The following PRDM6 variants were observed in gnomAD, a reference collection of about 807,000 sequenced individuals.
PRDM6 encodes the protein putative histone-lysine N-methyltransferase PRDM6.
PRDM6 carries 25 observed loss-of-function variants against 60.8 expected under a neutral mutation model. The ratio of observed to expected loss-of-function variants is 0.41; its 90% CI spans 0.30 to 0.57. The LOEUF is 0.57. Ranked by LOEUF, PRDM6 falls within the 20% of genes least tolerant of loss-of-function variation. The probability of loss-of-function intolerance (pLI) is 0.27; values close to 1 mark genes in which losing one functional copy is unlikely to be tolerated. For synonymous variants in PRDM6, 407 were observed against 357.4 expected (o/e 1.14, Z -1.57); for missense variants, 839 against 821.3 (o/e 1.02, Z -0.26).
chr5:123,145,503 C>A (rs755033361), intron 3 of PRDM6, among the ~76,000 whole-genome samples: 1 of 152,192 alleles, frequency 6.6e-6, no homozygotes, highest in African/African-American at 2.4e-5. Context: ...GGTGCCTCAT[C>A]TCTTGGATCT....
chr5:123,122,312 A>G (rs1764600015), intron 3 of PRDM6, among the ~76,000 whole-genome samples: 1 of 152,192 alleles, frequency 6.6e-6, no homozygotes. Flanking sequence ...ACCTCAGTAC[A>G]AAGGAGTAAA....
At chr5:123,141,652 C>T (rs1278384451) in intron 3 of PRDM6, among the ~76,000 whole-genome samples, 1 of 152,126 alleles carries the variant, frequency 6.6e-6, no homozygotes, top group Non-Finnish European at 1.5e-5. Context: ...CCACTTAATA[C>T]ACAATACCCA....
intron 3 of PRDM6, among the ~76,000 whole-genome samples, chr5:123,136,076 T>A (rs576186981): frequency 1.3e-5 from 2 of 152,222 alleles, no homozygotes; most frequent in Non-Finnish European, 2.9e-5. Context: ...CTCACTGTTC[T>A]GCTAGACGTG....
At chr5:123,180,060 A>G (rs1766111465) in intron 6 of PRDM6, 87 bp from the exon 7 acceptor site, 2 of 1,261,768 alleles carry the variant, frequency 1.6e-6, no homozygotes, top group Admixed American at 2.8e-5. Flanking sequence ...AATGTCACCA[A>G]TAAGTTTTGG....
intron 3 of PRDM6, among the ~76,000 whole-genome samples, chr5:123,150,399 T>A (rs1765346809): frequency 6.6e-6 from 1 of 152,178 alleles, no homozygotes; most frequent in African/African-American, 2.4e-5. Flanking sequence ...GAAGGTCTCC[T>A]TTAACAACCA....
intron 3 of PRDM6, among the ~76,000 whole-genome samples, chr5:123,154,593 C>T (rs890297863): frequency 2.6e-5 from 4 of 152,138 alleles, no homozygotes; most frequent in African/African-American, 4.8e-5. Flanking sequence ...TCACTAAGCC[C>T]GTTTGCACCC....
At chr5:123,114,362 T>G (rs534141447) in intron 3 of PRDM6, among the ~76,000 whole-genome samples, 2 of 152,324 alleles carry the variant, frequency 1.3e-5, no homozygotes, top group South Asian at 4.1e-4. Context: ...CAAGACTCTC[T>G]TCTTATTCTG....
rs191789058 is a variant in PRDM6, at chr5:123,143,135, C to T, written c.901-12749C>T. Among the ~76,000 whole-genome samples, 90 of 121,154 alleles carry T rather than the reference C, an allele frequency of 7.4e-4. 1 individual carries two copies. The highest frequency in any genetic ancestry group is 5.9e-5 in the Non-Finnish European group (3 of 50,750). The allele number at this position is 121,154 out of a possible 152,430, so 79.5% of individuals were successfully genotyped here. On this transcript the variant is annotated intron_variant, in intron 3 of 7. Coordinates refer to ENST00000407847, the MANE Select transcript of PRDM6 (RefSeq NM_001136239.4). Reference sequence around the variant, plus strand: ...TTTTATCTGAAAGTATGGGATTTGGCAGTAGTTTTTAAAGTGTGTGTGTGT... The same window carrying T: ...TTTTATCTGAAAGTATGGGATTTGGTAGTAGTTTTTAAAGTGTGTGTGTGT...
At chr5:123,118,024 G>T (rs916573103) in intron 3 of PRDM6, among the ~76,000 whole-genome samples, 3 of 152,346 alleles carry the variant, frequency 2.0e-5, no homozygotes, top group Non-Finnish European at 4.4e-5. Context: ...CTTACAGTCT[G>T]TGAGGGAGAC....
Position 123,145,950 on chromosome 5 carries a change from C to G in PRDM6, c.901-9934C>G, listed in dbSNP as rs147885392. On this transcript the variant is annotated intron_variant, in intron 3 of 7. Transcript: ENST00000407847. ...CCATTACTTCATTGGGACAAACATT[C>G]TGTGTCTTTAGAAAGTTCTCACTAA... 4.0e-3 allele frequency among the ~76,000 whole-genome samples: 616 copies of G among 152,258 alleles called. 3 individuals are homozygous for G. The highest frequency in any genetic ancestry group is 6.5e-3 in the Non-Finnish European group (444 of 68,012).
intron 3 of PRDM6, among the ~76,000 whole-genome samples, chr5:123,125,150 C>A (rs56728393): frequency 6.6e-4 from 7 of 10,670 alleles, no homozygotes; most frequent in Non-Finnish European, 1.2e-3. Context: ...ACCGCACCCC[C>A]TCCCCCCCAC....
intron 3 of PRDM6, among the ~76,000 whole-genome samples, chr5:123,123,369 T>C (rs1764623647): frequency 6.6e-6 from 1 of 152,184 alleles, no homozygotes; most frequent in African/African-American, 2.4e-5. Context: ...CTGTAGTCAG[T>C]TCAAAGCTTT....
chr5:123,128,794 G>A (rs533996335), intron 3 of PRDM6, among the ~76,000 whole-genome samples: 2 of 152,064 alleles, frequency 1.3e-5, no homozygotes, highest in South Asian at 4.2e-4. Context: ...GTCTATTTTG[G>A]CTTTTGTTGC....
chr5:123,126,891 A>G (rs1306601631), intron 3 of PRDM6, among the ~76,000 whole-genome samples: 1 of 152,188 alleles, frequency 6.6e-6, no homozygotes, highest in Admixed American at 6.5e-5. Flanking sequence ...ATGTTTTATA[A>G]CGTGACACAA....
chr5:123,091,052 C>A (rs897964453), intron 2 of PRDM6, among the ~76,000 whole-genome samples: 7 of 152,066 alleles, frequency 4.6e-5, no homozygotes, highest in African/African-American at 1.7e-4. Flanking sequence ...AGCACGCAGA[C>A]CAGGGCTTGT....
intron 3 of PRDM6, among the ~76,000 whole-genome samples, chr5:123,152,472 T>G (rs1765390568): frequency 6.6e-6 from 1 of 152,308 alleles, no homozygotes; most frequent in Non-Finnish European, 1.5e-5. Context: ...AAAACAAGGT[T>G]GGTCTATTGC....
At chr5:123,171,214 G>A (rs1765884020) in intron 6 of PRDM6, 106 bp downstream of exon 6, 1 of 903,264 alleles carries the variant, frequency 1.1e-6, no homozygotes, top group Non-Finnish European at 1.6e-6. Flanking sequence ...TGTGATTTGT[G>A]GTGTCTGCAT....
chr5:123,107,206 G>T (rs151096939), intron 3 of PRDM6, among the ~76,000 whole-genome samples: 4 of 152,250 alleles, frequency 2.6e-5, no homozygotes, highest in African/African-American at 9.6e-5. Flanking sequence ...CAATTTAAAA[G>T]GAAATAATTT....
In PRDM6 at chr5:123,193,219, A is replaced by G. The variant is rs1399733052; in HGVS notation, c.*6018A>G. 6.6e-6 allele frequency: 1 copy of G among 152,224 alleles called. No individual in the cohort carries two copies. The highest frequency in any genetic ancestry group is 1.5e-5 in the Non-Finnish European group (1 of 68,050). 9.4% of individuals were successfully genotyped at this position (152,224 alleles called of 1,614,324 possible). A position where few individuals can be genotyped will look rare whatever the true frequency, so the allele number is the denominator to read the frequency against. On this transcript the variant is annotated 3_prime_UTR_variant, in exon 8 of 8. Coordinates refer to ENST00000407847, the MANE Select transcript of PRDM6 (RefSeq NM_001136239.4). ...TGATATCTCCTGTTTCCTGCCTTGA[A>G]AAACATCCTTGTTGGTGCCTTTCTC...
Sources: allele counts gnomAD v4.1 joint callset (sites outside exome capture counted in the v4.1 genomes callset), GRCh38; gene constraint gnomAD v4.1.1; transcripts MANE v1.5; gene names NCBI Gene and HGNC (gene_info 2026-07-23, HGNC 2026-07-21).